The following DMD variants were observed in gnomAD, a reference collection of about 807,000 sequenced individuals.
DMD encodes dystrophin.
In DMD, 63 loss-of-function variants were observed where a neutral mutation model predicts 330.1. The ratio of observed to expected loss-of-function variants is 0.19; its 90% CI spans 0.16 to 0.24. The LOEUF is 0.24. Ranked by LOEUF, DMD falls within the 10% of genes least tolerant of loss-of-function variation. The pLI, the probability that DMD is intolerant of heterozygous loss-of-function variation, is 1.00. For synonymous variants in DMD, 1,223 were observed against 959.8 expected (o/e 1.27, Z -5.07); for missense variants, 3,344 against 2,684.1 (o/e 1.25, Z -5.43).
In DMD at chrX:32,592,643, G is replaced by A. The variant is rs2055049982; in HGVS notation, c.1602+3114C>T. Among the ~76,000 whole-genome samples, 3 of 112,174 alleles carry A rather than the reference G, an allele frequency of 2.7e-5. No individual in the cohort carries two copies. The South Asian group carries it at 1.1e-3, about 42-fold the overall frequency. On this transcript the variant is annotated intron_variant, in intron 13 of 78. Coordinates refer to ENST00000357033, the MANE Select transcript of DMD (RefSeq NM_004006.3). Reference sequence around the variant, plus strand: ...ATGGGACAAGAACTCAGGACTTGCTGAATGGCAGGACAAAAAGAGCTGTAA... The same window carrying A: ...ATGGGACAAGAACTCAGGACTTGCTAAATGGCAGGACAAAAAGAGCTGTAA...
At chrX:31,504,832 T>G (rs189755551) in intron 56 of DMD, among the ~76,000 whole-genome samples, 1 of 112,238 alleles carries the variant, frequency 8.9e-6, no homozygotes, top group Non-Finnish European at 1.9e-5. Context: ...ATATCCTGTA[T>G]TATTACATAG....
chrX:32,505,890 G>C (rs1430740432), intron 18 of DMD, among the ~76,000 whole-genome samples: 3 of 112,015 alleles, frequency 2.7e-5, no homozygotes, highest in South Asian at 3.7e-4. Context: ...AGTTAAAGAA[G>C]ATAATCTGAA....
Position 32,460,955 on chromosome X carries a change from A to G in DMD, c.3432+2484T>C, listed in dbSNP as rs7891418. 0.083 allele frequency among the ~76,000 whole-genome samples: 9,226 copies of G among 111,481 alleles called. 905 individuals carry two copies. The highest frequency in any genetic ancestry group is 0.27 in the African/African-American group (8,410 of 30,607). On this transcript the variant is annotated intron_variant, in intron 25 of 78. Coordinates refer to ENST00000357033, the MANE Select transcript of DMD (RefSeq NM_004006.3). ...CAATGTCTATTTTATTCCCTCACTT[A>G]TATCTGATCATTTTTTTAGAAATAG... is the stretch of plus-strand genomic sequence containing the variant.
At chrX:32,201,038 G>A (rs1194959710) in intron 44 of DMD, among the ~76,000 whole-genome samples, 2 of 111,736 alleles carry the variant, frequency 1.8e-5, no homozygotes, top group Non-Finnish European at 3.8e-5. Flanking sequence ...AACACCTGTA[G>A]CATTCACACA....
At chrX:31,668,713 T>G (rs1471219897) in intron 53 of DMD, among the ~76,000 whole-genome samples, 1 of 111,395 alleles carries the variant, frequency 9.0e-6, no homozygotes, top group Non-Finnish European at 1.9e-5. Flanking sequence ...AAAAACTTAT[T>G]CCTCCTGACT....
At chrX:31,156,931 C>G (rs1054083625) in intron 74 of DMD, among the ~76,000 whole-genome samples, 1 of 111,395 alleles carries the variant, frequency 9.0e-6, no homozygotes, top group African/African-American at 3.3e-5. Context: ...GTAGCCACCC[C>G]CAAATTTTGG....
chrX:31,153,504 A>T (rs1569359625), intron 74 of DMD, among the ~76,000 whole-genome samples: 1 of 110,010 alleles, frequency 9.1e-6, no homozygotes, highest in Non-Finnish European at 1.9e-5. Flanking sequence ...GTTCACAGAG[A>T]TGTTCATCTT....
rs1486699770 is a variant in DMD at position 31,262,354 on chromosome X, A to G, written c.9225-1338T>C. On this transcript the variant is annotated intron_variant, in intron 62 of 78. Transcript: ENST00000357033. The stretch of plus-strand genomic sequence containing the variant: ...CCTTCCTAGAGAGCAAAACCAACAC[A>G]CTACATGTTATCACCTATGTTTAAA... Among the ~76,000 whole-genome samples the G allele has an allele frequency of 2.7e-5, 3 of 112,049 alleles. No homozygotes were observed. In the East Asian group the frequency reaches 8.4e-4, roughly 31 times the overall value.
intron 55 of DMD, among the ~76,000 whole-genome samples, chrX:31,589,945 T>C (rs1257777158): frequency 1.8e-5 from 2 of 111,343 alleles, no homozygotes; most frequent in African/African-American, 6.5e-5. Context: ...AATAAATACA[T>C]AATTGTCAGA....
intron 12 of DMD, among the ~76,000 whole-genome samples, chrX:32,599,424 C>A (rs185478187): frequency 2.7e-4 from 30 of 111,396 alleles, no homozygotes; most frequent in African/African-American, 8.8e-4. Flanking sequence ...GAAATGAATT[C>A]TCAAGAGTAT....
intron 2 of DMD, among the ~76,000 whole-genome samples, chrX:32,927,384 T>A (rs1458484715): frequency 1.8e-5 from 1 of 54,399 alleles, no homozygotes; most frequent in African/African-American, 8.9e-5. Flanking sequence ...TTTTTTTTTT[T>A]TTTGATGGAA....
At chrX:32,656,622 A>ACT (rs1209404552) in intron 9 of DMD, among the ~76,000 whole-genome samples, 1 of 111,172 alleles carries the variant, frequency 9.0e-6, no homozygotes, top group African/African-American at 3.3e-5. Flanking sequence ...CTAAAACTCT[A>ACT]CTCTGTCTCT....
At chrX:32,671,247 T>C (rs1441081685) in intron 9 of DMD, among the ~76,000 whole-genome samples, 1 of 110,907 alleles carries the variant, frequency 9.0e-6, no homozygotes, top group Non-Finnish European at 1.9e-5. Flanking sequence ...CTCCATTATT[T>C]AGTAAATTAT....
At chrX:32,854,950 A>C (rs2081421349) in intron 2 of DMD, among the ~76,000 whole-genome samples, 1 of 111,767 alleles carries the variant, frequency 8.9e-6, no homozygotes, top group Admixed American at 9.5e-5. Context: ...AGCAAACCAA[A>C]TTCAACACAA....
chrX:31,455,609 C>A (rs1274699734), intron 59 of DMD, among the ~76,000 whole-genome samples: 1 of 112,437 alleles, frequency 8.9e-6, no homozygotes, highest in South Asian at 3.7e-4. Flanking sequence ...TTCCTTATCC[C>A]ATATCTGAAT....
intron 60 of DMD, among the ~76,000 whole-genome samples, chrX:31,410,672 A>C (rs1165327427): frequency 9.1e-6 from 1 of 109,413 alleles, no homozygotes; most frequent in South Asian, 3.9e-4. Context: ...TTTGACCTAC[A>C]TTACATTTTG....
In DMD at chrX:32,449,602, C is replaced by T. The variant is rs2098321407; in HGVS notation, c.3604-964G>A. Among the ~76,000 whole-genome samples, 3 of 106,799 alleles carry T rather than the reference C, an allele frequency of 2.8e-5. No homozygotes were observed. The Admixed American group carries it at 3.0e-4, about 11-fold the overall frequency. The allele number at this position is 106,799 out of a possible 115,157, so 92.7% of individuals were successfully genotyped here. ...TACAATGTTTTTTTTTTTTTTCATCCACACGCACCCCCTGGCCTCCATGTT... is the reference window on the plus strand; with the variant it reads ...TACAATGTTTTTTTTTTTTTTCATCTACACGCACCCCCTGGCCTCCATGTT... On this transcript the variant is annotated intron_variant, in intron 26 of 78. Transcript: ENST00000357033.
At chrX:32,348,804 T>G (rs1450438509) in intron 37 of DMD, among the ~76,000 whole-genome samples, 5 of 111,607 alleles carry the variant, frequency 4.5e-5, no homozygotes, top group Non-Finnish European at 9.5e-5. Context: ...CAGATACATT[T>G]GAATGGGCTA....
chrX:32,500,746 T>C (rs1359191046), intron 19 of DMD, among the ~76,000 whole-genome samples: 10 of 111,989 alleles, frequency 8.9e-5, no homozygotes, highest in Non-Finnish European at 1.9e-4. Flanking sequence ...CCTGTTATAT[T>C]TGTTTGTTTT....
Sources: allele counts gnomAD v4.1 joint callset (sites outside exome capture counted in the v4.1 genomes callset), GRCh38; gene constraint gnomAD v4.1.1; transcripts MANE v1.5; gene names NCBI Gene and HGNC (gene_info 2026-07-23, HGNC 2026-07-21).